The following SPNS3 variants were observed in gnomAD, a reference collection of about 807,000 sequenced individuals.
SPNS3 encodes the protein SPNS lysolipid transporter 3, sphingosine-1-phosphate (putative).
SPNS3 carries 51 observed loss-of-function variants against 54.4 expected under a neutral mutation model. The observed-to-expected ratio is 0.94, with a 90% CI of 0.75 to 1.18. The LOEUF is 1.18. Among genes scored for constraint, SPNS3 ranks in the 50% most tolerant of loss-of-function variants. The pLI, the probability that SPNS3 is intolerant of heterozygous loss-of-function variation, is 0.00. For missense variants in SPNS3, 669 were observed against 677.4 expected, an observed-to-expected ratio of 0.99 and a Z score of 0.14; for synonymous variants, 309 against 294.7, an observed-to-expected ratio of 1.05 and a Z score of -0.50.
chr17:4,467,179 C>T (rs537730448), intron 8 of SPNS3, among the ~76,000 whole-genome samples: 37 of 151,802 alleles, frequency 2.4e-4, no homozygotes, highest in African/African-American at 6.3e-4. Context: ...AGTGAGGGTG[C>T]GGATTATGGA....
chr17:4,450,443 C>T (rs900122507), intron 7 of SPNS3, among the ~76,000 whole-genome samples: 1 of 142,482 alleles, frequency 7.0e-6, no homozygotes, highest in Non-Finnish European at 1.5e-5. Flanking sequence ...GAGTCAAGGT[C>T]TCACTCTGTC....
chr17:4,441,983 A>AGTGTGTGTGTGTGT (rs373836833), intron 2 of SPNS3, among the ~76,000 whole-genome samples: 23,477 of 138,624 alleles, frequency 0.17, 2,075 homozygotes, highest in Admixed American at 0.26. Flanking sequence ...CGGAGGGAGA[A>AGTGTGTGTGTGTGT]GTGTGTGTGT....
intron 1 of SPNS3, among the ~76,000 whole-genome samples, chr17:4,437,686 A>AAAATT (rs1970747659): frequency 7.0e-6 from 1 of 143,490 alleles, no homozygotes; most frequent in Non-Finnish European, 1.5e-5. Context: ...TAAATAAAAT[A>AAAATT]AAAATAAAAA....
intron 9 of SPNS3, among the ~76,000 whole-genome samples, chr17:4,485,461 G>T (rs578245205): frequency 6.6e-6 from 1 of 151,082 alleles, no homozygotes; most frequent in South Asian, 2.1e-4. Flanking sequence ...GCAGTGGTAC[G>T]ATCTCAGCTC....
At chr17:4,448,407 C>A in intron 6 of SPNS3, 104 bp downstream of exon 6, 1 of 1,196,334 alleles carries the variant, frequency 8.4e-7, no homozygotes, top group Non-Finnish European at 1.1e-6. Flanking sequence ...CCCTGGTTGT[C>A]CCAGTGTTCA....
chr17:4,478,039 T>A (rs1972055801), intron 8 of SPNS3, among the ~76,000 whole-genome samples: 1 of 144,008 alleles, frequency 6.9e-6, no homozygotes, highest in Non-Finnish European at 1.5e-5. Flanking sequence ...TGGTGTGATC[T>A]CGGCTCCCTG....
chr17:4,486,135 G>A lies in SPNS3; in HGVS notation c.1180-93G>A. 1 of 1,167,288 alleles carries A rather than the reference G, an allele frequency of 8.6e-7. No homozygotes were observed. Among genetic ancestry groups the A allele is most frequent in the Non-Finnish European group, 1.2e-6 (1 of 861,452 alleles). The allele number at this position is 1,167,288 out of a possible 1,614,324, so 72.3% of individuals were successfully genotyped here. The stretch of plus-strand genomic sequence containing the variant: ...CCCATCCCACTCACCTGAATGGCCT[G>A]TCACTCCTCCAGGCAGGTCCTTGGC... On this transcript the variant is annotated intron_variant, in intron 9 of 11. Coordinates refer to ENST00000355530, the MANE Select transcript of SPNS3 (RefSeq NM_182538.5). This position sits in a 1 kb window ranked among gnomAD's most constrained non-coding sequence, Gnocchi z 5.5.
chr17:4,474,379 A>G (rs1283449428), intron 8 of SPNS3, among the ~76,000 whole-genome samples: 1 of 152,060 alleles, frequency 6.6e-6, no homozygotes, highest in Non-Finnish European at 1.5e-5. Flanking sequence ...TGACTGGCTC[A>G]GGCAAAGAGA....
In SPNS3 at chr17:4,457,049, G is replaced by T. The variant is rs190850797; in HGVS notation, c.1113+3844G>T. Among the ~76,000 whole-genome samples the T allele has an allele frequency of 4.4e-3, 674 of 152,256 alleles. 2 individuals carry two copies. Among genetic ancestry groups the T allele is most frequent in the African/African-American group, 0.016 (652 of 41,554 alleles). On this transcript the variant is annotated intron_variant, in intron 8 of 11. Coordinates refer to ENST00000355530, the MANE Select transcript of SPNS3 (RefSeq NM_182538.5). ...TTTTCTTATGCCATTTGACAGGTTG[G>T]AAAACTGAAGCCCACAGATAGAATC...
intron 8 of SPNS3, among the ~76,000 whole-genome samples, chr17:4,463,188 A>G (rs1041671690): frequency 2.6e-5 from 4 of 152,034 alleles, no homozygotes; most frequent in Non-Finnish European, 5.9e-5. Flanking sequence ...ACTTGAGGTC[A>G]GGAGTTCAAG....
chr17:4,447,536 C>G (rs528019187), intron 5 of SPNS3, among the ~76,000 whole-genome samples: 1 of 152,318 alleles, frequency 6.6e-6, no homozygotes, highest in East Asian at 1.9e-4. Context: ...AGGCTGCGCG[C>G]AGACCACTGT....
chr17:4,479,619 C>T (rs1444193044), intron 9 of SPNS3, among the ~76,000 whole-genome samples: 1 of 152,278 alleles, frequency 6.6e-6, no homozygotes, highest in Non-Finnish European at 1.5e-5. Flanking sequence ...TTCCTTCTGC[C>T]TCCTGGCAGC....
intron 8 of SPNS3, among the ~76,000 whole-genome samples, chr17:4,456,425 T>G (rs1313410046): frequency 6.6e-6 from 1 of 152,232 alleles, no homozygotes; most frequent in East Asian, 1.9e-4. Context: ...CTGCAGAAAT[T>G]CCTGAAGACT....
chr17:4,453,013 C>T lies in SPNS3; in HGVS notation c.924-3C>T, dbSNP rs1205575932. 1 of 1,612,442 alleles carries T rather than the reference C, an allele frequency of 6.2e-7. No homozygotes were observed. The highest frequency in any genetic ancestry group is 8.5e-7 in the Non-Finnish European group (1 of 1,178,944). ...CCAACCCTTCTGTGCTCTTCCCCAT[C>T]AGCCTGATTTTTGGGGCACTGACCA... On this transcript the variant is annotated splice_polypyrimidine_tract_variant and splice_region_variant and intron_variant, in intron 7 of 11. Coordinates refer to ENST00000355530, the MANE Select transcript of SPNS3 (RefSeq NM_182538.5).
chr17:4,450,608 T>C (rs187839225), intron 7 of SPNS3, among the ~76,000 whole-genome samples: 1 of 151,606 alleles, frequency 6.6e-6, no homozygotes, highest in East Asian at 1.9e-4. Flanking sequence ...TTATTTATTT[T>C]TTTTTGAGAC....
chr17:4,460,110 C>T (rs1285219159), intron 8 of SPNS3, among the ~76,000 whole-genome samples: 1 of 151,966 alleles, frequency 6.6e-6, no homozygotes, highest in Non-Finnish European at 1.5e-5. Flanking sequence ...GGAGTGTACC[C>T]GATGGGTTTG....
chr17:4,446,678 C>G, intron 4 of SPNS3: 1 of 604,192 alleles, frequency 1.7e-6, no homozygotes, highest in South Asian at 1.9e-5. Flanking sequence ...GAGAGTGGCG[C>G]TGGGGGTGGG....
In SPNS3 at chr17:4,449,259, C is replaced by G. The variant is rs757109921; in HGVS notation, c.795C>G (p.Leu265=). Residue 265 remains leucine (L), a synonymous_variant, in exon 7 of 12, where the codon CTC becomes CTG. Coordinates refer to ENST00000355530, the MANE Select transcript of SPNS3 (RefSeq NM_182538.5). Reference sequence around the variant, plus strand: ...GCTGGAGTTTCGTGTGGTCGACCCTCGGAGTGACCGCCATGGCCTTTGTGA... The same window carrying G: ...GCTGGAGTTTCGTGTGGTCGACCCTGGGAGTGACCGCCATGGCCTTTGTGA... The part of the protein sequence containing the change: ...GKNWSFVWST[L]GVTAMAFVTG... 5 of 1,612,008 alleles carry G rather than the reference C, an allele frequency of 3.1e-6. No homozygotes were observed. Among genetic ancestry groups the G allele is most frequent in the Non-Finnish European group, 4.2e-6 (5 of 1,179,870 alleles).
At chr17:4,467,917 C>T (rs1348551650) in intron 8 of SPNS3, among the ~76,000 whole-genome samples, 2 of 152,188 alleles carry the variant, frequency 1.3e-5, no homozygotes, top group Admixed American at 1.3e-4. Flanking sequence ...GTGGTCCACT[C>T]GCCTCGGCCT....
Sources: gnomAD v4.1 joint callset for allele counts (sites outside exome capture counted in the v4.1 genomes callset) on GRCh38, gnomAD v4.1.1 for gene constraint, Gnocchi (gnomAD v3.1) non-coding constraint, MANE v1.5 for transcripts, NCBI Gene and HGNC (gene_info 2026-07-23, HGNC 2026-07-21) for gene names.